The following EVL variants were observed in gnomAD, a reference collection of about 807,000 sequenced individuals.
EVL encodes ena/VASP-like protein.
EVL carries 21 observed loss-of-function variants against 59.6 expected under a neutral mutation model. That is an observed-to-expected ratio of 0.35 (90% CI 0.25 to 0.51). The LOEUF (loss-of-function observed/expected upper bound fraction) is 0.51, where lower values mean the gene tolerates loss of function less well. EVL is among the 20% of genes least tolerant of loss of function. EVL has a pLI of 0.97. For missense variants in EVL, 462 were observed against 546.6 expected, an observed-to-expected ratio of 0.85 and a Z score of 1.54; for synonymous variants, 198 against 203.5, an observed-to-expected ratio of 0.97 and a Z score of 0.23.
intron 1 of EVL, among the ~76,000 whole-genome samples, chr14:100,048,010 A>G (rs1595092143): frequency 1.3e-5 from 2 of 152,228 alleles, no homozygotes; most frequent in African/African-American, 2.4e-5. Flanking sequence ...ATCTAAAACT[A>G]TAAAACTTGT....
chr14:100,088,342 C>G (rs754349944), intron 2 of EVL, among the ~76,000 whole-genome samples: 1 of 152,050 alleles, frequency 6.6e-6, no homozygotes, highest in Non-Finnish European at 1.5e-5. Flanking sequence ...CTCTTTTTAC[C>G]CAGAGGCCCC....
rs1392916346 is a variant in EVL at position 100,000,993 on chromosome 14, G to A, written c.5+28936G>A. Among the ~76,000 whole-genome samples, 6 of 152,176 alleles carry A rather than the reference G, an allele frequency of 3.9e-5. No individual in the cohort carries two copies. In the East Asian group the frequency reaches 1.2e-3, roughly 29 times the overall value. On this transcript the variant is annotated intron_variant, in intron 1 of 13. Coordinates refer to the EVL transcript ENST00000402714. ...AATTATATTAATAGAATAATATTAG[G>A]AATATTATTTTAGCAGGTTGAGAAG...
chr14:100,140,847 C>T, intron 11 of EVL: 1 of 224,322 alleles, frequency 4.5e-6, no homozygotes, highest in Non-Finnish European at 8.7e-6. Flanking sequence ...TACTGTGTTT[C>T]TTTCCAGGGA....
intron 1 of EVL, among the ~76,000 whole-genome samples, chr14:100,049,710 C>G (rs1372025724): frequency 6.6e-6 from 1 of 152,128 alleles, no homozygotes; most frequent in Admixed American, 6.5e-5. Context: ...AGTATATTCA[C>G]TGAGTTTTGC....
chr14:100,007,369 A>G (rs2060989084), intron 1 of EVL, among the ~76,000 whole-genome samples: 1 of 152,178 alleles, frequency 6.6e-6, no homozygotes, highest in Non-Finnish European at 1.5e-5. Context: ...CAGAGGAATG[A>G]CTTTGAATAG....
intron 2 of EVL, among the ~76,000 whole-genome samples, chr14:100,085,598 A>G (rs754999176): frequency 3.0e-4 from 45 of 152,320 alleles, no homozygotes; most frequent in Non-Finnish European, 5.7e-4. Flanking sequence ...GAAAAAGTCT[A>G]TATAAACAGC....
chr14:100,081,584 T>C (rs950049227), intron 1 of EVL, among the ~76,000 whole-genome samples: 2 of 151,096 alleles, frequency 1.3e-5, no homozygotes, highest in African/African-American at 4.9e-5. Flanking sequence ...TCTTCAGGCA[T>C]CTAGTGGCAA....
intron 3 of EVL, chr14:100,107,756 A>G (rs1886667044): frequency 6.5e-6 from 1 of 154,244 alleles, no homozygotes; most frequent in Non-Finnish European, 1.4e-5. Context: ...TGTGTGGTCA[A>G]AGGCAAGTTT....
intron 1 of EVL, among the ~76,000 whole-genome samples, chr14:99,991,960 CTGTGTGTGTGTGTGTG>C (rs58443751): frequency 1.5e-4 from 22 of 144,234 alleles, no homozygotes; most frequent in Admixed American, 1.1e-3. Context: ...AGGGTCAACT[CTGTGTGTGTGTGTGTG>C]TGTGTGTGTG....
intron 7 of EVL, among the ~76,000 whole-genome samples, 164 bp downstream of exon 7, chr14:100,129,848 G>T (rs933442042): frequency 6.6e-6 from 1 of 152,232 alleles, no homozygotes; most frequent in African/African-American, 2.4e-5. Flanking sequence ...CAAGGGGTTA[G>T]TCTGAAGCGC....
At chr14:100,069,568 C>T (rs1321097532) in intron 1 of EVL, among the ~76,000 whole-genome samples, 1 of 152,182 alleles carries the variant, frequency 6.6e-6, no homozygotes, top group African/African-American at 2.4e-5. Flanking sequence ...CGTTCACTCT[C>T]CATGGGAACC....
At chr14:100,077,333 T>C (rs1467630111) in intron 1 of EVL, among the ~76,000 whole-genome samples, 1 of 152,260 alleles carries the variant, frequency 6.6e-6, no homozygotes, top group Non-Finnish European at 1.5e-5. Context: ...AAAAAGCATC[T>C]GAAATGGCCT....
intron 7 of EVL, 28 bp downstream of exon 7, chr14:100,129,712 G>T: frequency 6.5e-7 from 1 of 1,528,620 alleles, no homozygotes; most frequent in South Asian, 1.2e-5. Flanking sequence ...CCGAGACTTG[G>T]TGTGCCTAGC....
intron 1 of EVL, among the ~76,000 whole-genome samples, chr14:99,986,289 T>TGAAAAAAAA (rs2060839622): frequency 1.3e-5 from 1 of 75,146 alleles, no homozygotes; most frequent in African/African-American, 7.1e-5. Flanking sequence ...GGACTCTGTC[T>TGAAAAAAAA]CAAAAAAAAA....
chr14:100,135,593 G>A (rs561469922), intron 8 of EVL: 493 of 327,336 alleles, frequency 1.5e-3, no homozygotes, highest in Middle Eastern at 4.0e-3. Flanking sequence ...GATGACATAC[G>A]GGAGGCATCC....
intron 7 of EVL, among the ~76,000 whole-genome samples, chr14:100,131,764 A>T (rs572595073): frequency 1.2e-4 from 19 of 152,332 alleles, no homozygotes; most frequent in African/African-American, 4.6e-4. Context: ...CAAAAAAGAC[A>T]GGCAGGTACC....
intron 1 of EVL, among the ~76,000 whole-genome samples, chr14:100,078,988 G>T (rs760402492): frequency 3.3e-5 from 5 of 152,206 alleles, no homozygotes; most frequent in Non-Finnish European, 7.3e-5. Context: ...TTGGCCGCCT[G>T]CTTTCCAGGA....
chr14:100,060,455 C>T (rs2061807576), upstream of EVL, among the ~76,000 whole-genome samples: 1 of 151,648 alleles, frequency 6.6e-6, no homozygotes, highest in African/African-American at 2.4e-5. Context: ...AAAACTTGCC[C>T]AGTGAAAATT....
intron 1 of EVL, among the ~76,000 whole-genome samples, chr14:99,992,883 G>T (rs2060884715): frequency 6.6e-6 from 1 of 151,896 alleles, no homozygotes; most frequent in Non-Finnish European, 1.5e-5. Context: ...TGAGTTTTTT[G>T]AGTGTTTTGT....
Sources: gnomAD v4.1 joint callset for allele counts (sites outside exome capture counted in the v4.1 genomes callset) on GRCh38, gnomAD v4.1.1 for gene constraint, MANE v1.5 for transcripts, NCBI Gene and HGNC (gene_info 2026-07-23, HGNC 2026-07-21) for gene names.